Variants in FAM135A observed in about 807,000 individuals in gnomAD.
FAM135A encodes the protein protein FAM135A.
In FAM135A, 79 loss-of-function variants were observed where a neutral mutation model predicts 146.8. That is an observed-to-expected ratio of 0.54 (90% CI 0.45 to 0.65). FAM135A has a LOEUF of 0.65. Ranked by LOEUF, FAM135A falls within the 30% of genes least tolerant of loss-of-function variation. The pLI is 0.00. For synonymous variants in FAM135A, 562 were observed against 603.6 expected, an observed-to-expected ratio of 0.93 and a Z score of 1.01; for missense variants, 1,623 against 1,758.2, an observed-to-expected ratio of 0.92 and a Z score of 1.38.
At chr6:70,559,675 C>G (rs902881724) in intron 21 of FAM135A, 41 bp from the exon 22 acceptor site, 1 of 1,491,658 alleles carries the variant, frequency 6.7e-7, no homozygotes, top group African/African-American at 1.4e-5. Flanking sequence ...TTTTCAGTTA[C>G]TATTGTGAAC....
At chr6:70,516,541 T>C (rs1792277990) in intron 12 of FAM135A, among the ~76,000 whole-genome samples, 1 of 140,090 alleles carries the variant, frequency 7.1e-6, no homozygotes, top group South Asian at 2.4e-4. Context: ...TTTTTTTTTT[T>C]TTTTTTTTTT....
At position 70,560,978 on chromosome 6, in the gene FAM135A, A is replaced by G. The variant is rs1422247950; in HGVS notation, c.*1057A>G. 1 of 152,494 alleles carries G rather than the reference A, an allele frequency of 6.6e-6. No individual in the cohort carries two copies. Among genetic ancestry groups the G allele is most frequent in the Non-Finnish European group, 1.5e-5 (1 of 67,976 alleles). 9.4% of individuals were successfully genotyped at this position (152,494 alleles called of 1,614,324 possible). A position where few individuals can be genotyped will look rare whatever the true frequency, so the allele number is the denominator to read the frequency against. On this transcript the variant is annotated 3_prime_UTR_variant, in exon 22 of 22. Coordinates refer to ENST00000418814, the MANE Select transcript of FAM135A (RefSeq NM_001162529.3). ...GGTGCTGAATAGCATTAAATTCACT[A>G]TTTTCCTTTTCTGTTTTACTTGTGA... is the stretch of plus-strand genomic sequence containing the variant.
chr6:70,469,692 GCTT>G (rs1781181243), intron 5 of FAM135A, among the ~76,000 whole-genome samples: 1 of 152,140 alleles, frequency 6.6e-6, no homozygotes, highest in South Asian at 2.1e-4. Context: ...GCACTATGCT[GCTT>G]CTTGATGAGA....
At chr6:70,446,795 A>C (rs1193745488) in intron 4 of FAM135A, among the ~76,000 whole-genome samples, 1 of 152,182 alleles carries the variant, frequency 6.6e-6, no homozygotes, top group Non-Finnish European at 1.5e-5. Flanking sequence ...CCATTAAGTT[A>C]CTCATTGTGA....
At chr6:70,523,075 T>C in intron 13 of FAM135A, among the ~76,000 whole-genome samples, 1 of 152,204 alleles carries the variant, frequency 6.6e-6, no homozygotes, top group East Asian at 1.9e-4. Flanking sequence ...TTGAGGACAT[T>C]ATGCTGAGCA....
intron 11 of FAM135A, among the ~76,000 whole-genome samples, chr6:70,500,950 G>A (rs1788357264): frequency 6.6e-6 from 1 of 152,226 alleles, no homozygotes; most frequent in Non-Finnish European, 1.5e-5. Flanking sequence ...CAGTCAGAAG[G>A]CACGGGGGTC....
At chr6:70,468,391 C>G (rs1032992440) in intron 5 of FAM135A, among the ~76,000 whole-genome samples, 1 of 152,060 alleles carries the variant, frequency 6.6e-6, no homozygotes, top group East Asian at 1.9e-4. Context: ...TTATAGCTAC[C>G]CTTATAAAAG....
rs374597098 is a variant in FAM135A, at chr6:70,481,959, G to A, written c.670-42G>A. 8 of 1,544,454 alleles carry A rather than the reference G, an allele frequency of 5.2e-6. No homozygotes were observed. In the African/African-American group the frequency reaches 9.7e-5, roughly 19 times the overall value. On this transcript the variant is annotated intron_variant, in intron 9 of 21. Transcript: ENST00000418814. The stretch of plus-strand genomic sequence containing the variant: ...TTCCAAGTTTCACATGTAACATTTT[G>A]TATTACTGACACTCTGTATCCTACA...
At chr6:70,490,902 A>G (rs554032375) in intron 10 of FAM135A, 132 bp from the exon 11 acceptor site, 8 of 492,802 alleles carry the variant, frequency 1.6e-5, no homozygotes, top group Middle Eastern at 5.2e-4. Flanking sequence ...TTATGAAAAT[A>G]TGTTACCTTG....
chr6:70,455,633 G>GAATGTTCAA (rs1778190634), intron 5 of FAM135A, among the ~76,000 whole-genome samples: 1 of 152,038 alleles, frequency 6.6e-6, no homozygotes, highest in Non-Finnish European at 1.5e-5. Context: ...GAACATCCTT[G>GAATGTTCAA]AATCTAGTAG....
At chr6:70,474,321 G>T (rs1782197578) in intron 5 of FAM135A, among the ~76,000 whole-genome samples, 3 of 151,642 alleles carry the variant, frequency 2.0e-5, no homozygotes, top group Non-Finnish European at 4.4e-5. Flanking sequence ...TGGAGCACAG[G>T]GTAATAAGAT....
chr6:70,480,312 A>T (rs1371572321), intron 8 of FAM135A, among the ~76,000 whole-genome samples: 1 of 152,190 alleles, frequency 6.6e-6, no homozygotes, highest in Non-Finnish European at 1.5e-5. Flanking sequence ...CCTCTACAAA[A>T]AATAAAAATT....
chr6:70,558,440 A>G (rs1446734412), intron 21 of FAM135A, among the ~76,000 whole-genome samples: 2 of 152,256 alleles, frequency 1.3e-5, no homozygotes, highest in Non-Finnish European at 2.9e-5. Flanking sequence ...AAGGCAGTTT[A>G]TACATTTATG....
At position 70,546,946 on chromosome 6, in the gene FAM135A, T is replaced by G. The variant is rs374059289; in HGVS notation, c.4228+8545T>G. 3.9e-5 allele frequency among the ~76,000 whole-genome samples: 6 copies of G among 152,212 alleles called. No homozygotes were observed. The East Asian group carries it at 1.2e-3, about 29-fold the overall frequency. On this transcript the variant is annotated intron_variant, in intron 20 of 21. Coordinates refer to ENST00000418814, the MANE Select transcript of FAM135A (RefSeq NM_001162529.3). ...ATATATAGACATTAGATGACAGCAG[T>G]GTTGAAGTAGTCAAGATTATATTAC...
chr6:70,532,802 T>A (rs1209175183), intron 16 of FAM135A, among the ~76,000 whole-genome samples: 1 of 152,102 alleles, frequency 6.6e-6, no homozygotes, highest in Non-Finnish European at 1.5e-5. Context: ...CATGGTGGGA[T>A]GCACCTGTAG....
At chr6:70,481,149 A>G in intron 9 of FAM135A, 122 bp downstream of exon 9, 1 of 870,176 alleles carries the variant, frequency 1.1e-6, no homozygotes, top group African/African-American at 1.8e-5. Flanking sequence ...TATAGATCTA[A>G]TTAAATATGA....
intron 12 of FAM135A, among the ~76,000 whole-genome samples, chr6:70,506,967 A>C (rs1433163010): frequency 6.6e-6 from 1 of 152,040 alleles, no homozygotes; most frequent in Non-Finnish European, 1.5e-5. Flanking sequence ...AGGAACAAGA[A>C]GGTAAACTTA....
chr6:70,466,455 G>C (rs765676010), intron 5 of FAM135A, among the ~76,000 whole-genome samples: 2 of 152,058 alleles, frequency 1.3e-5, no homozygotes, highest in Non-Finnish European at 2.9e-5. Flanking sequence ...CATAAATATC[G>C]CTATTATTAA....
Position 70,524,779 on chromosome 6 carries a change from G to T in FAM135A, c.1695G>T (p.Met565Ile). The T allele has an allele frequency of 6.4e-7, 1 of 1,551,588 alleles. No homozygotes were observed. The highest frequency in any genetic ancestry group is 8.7e-7 in the Non-Finnish European group (1 of 1,146,950). Residue 565 changes from methionine to isoleucine, a missense_variant, in exon 15 of 22, where the codon ATG becomes ATT. Physicochemically the swap from Met to Ile is conservative, Grantham distance 10 (BLOSUM62 1). This residue lies in a region of FAM135A where 1,061 missense variants were observed against 1,113.8 expected (regional missense o/e 0.95). Transcript: ENST00000418814. ...ATAATTTTGACCCAAAGACCTACAT[G>T]AGACAGACAAGTCAAAAGGAAGCTA... ...CGYNFDPKTY[M>I]RQTSQKEASC...
Sources: allele counts gnomAD v4.1 joint callset (sites outside exome capture counted in the v4.1 genomes callset), GRCh38; gene constraint gnomAD v4.1.1; regional missense constraint gnomAD v4.1.1; transcripts MANE v1.5; gene names NCBI Gene and HGNC (gene_info 2026-07-23, HGNC 2026-07-21).